The following TAB1 variants were observed in gnomAD, a reference collection of about 807,000 sequenced individuals.
TAB1 encodes TGF-beta activated kinase 1 (MAP3K7) binding protein 1, also known as TGF-beta-activated kinase 1 and MAP3K7-binding protein 1.
In TAB1, 30 loss-of-function variants were observed where a neutral mutation model predicts 54.5. That is an observed-to-expected ratio of 0.55 (90% confidence interval 0.41 to 0.75). The LOEUF is 0.75. Among genes scored for constraint, TAB1 ranks in the 30% least tolerant of loss-of-function variants. The pLI, the probability that TAB1 is intolerant of heterozygous loss-of-function variation, is 0.00. For synonymous variants in TAB1, 289 were observed against 286.9 expected (o/e 1.01, Z -0.07); for missense variants, 609 against 683.2 (o/e 0.89, Z 1.21).
intron 1 of TAB1, among the ~76,000 whole-genome samples, chr22:39,401,389 T>C (rs1456541219): frequency 1.3e-5 from 2 of 152,234 alleles, no homozygotes. Context: ...TTGGCATTGA[T>C]TTTAGACGGC....
chr22:39,416,823 G>A lies in TAB1; in HGVS notation c.357G>A (p.Glu119=), dbSNP rs1328201406. The part of the protein sequence containing the change: ...AFDVVERSFL[E]SIDDALAEKA... ...ATGTGGTGGAGAGGAGCTTCCTGGA[G>A]TCCATTGACGACGCCTTGGCTGAGA... The change falls in exon 4 of 11, where the codon GAG becomes GAA. Residue 119 remains glutamate, a synonymous_variant. Transcript: ENST00000216160. 6.2e-7 allele frequency: 1 copy of A among 1,614,240 alleles called. No homozygotes were observed. Among genetic ancestry groups the A allele is most frequent in the African/African-American group, 1.3e-5 (1 of 75,060 alleles).
intron 8 of TAB1, among the ~76,000 whole-genome samples, chr22:39,423,412 C>T (rs796762571): frequency 1.6e-4 from 25 of 152,336 alleles, no homozygotes; most frequent in African/African-American, 6.0e-4. Flanking sequence ...CGAGACCAGC[C>T]TGGCCAACAT....
In TAB1 at chr22:39,415,171, C is replaced by A; in HGVS notation, c.170+29C>A. The A allele has an allele frequency of 6.5e-7, 1 of 1,545,314 alleles. No homozygotes were observed. Among genetic ancestry groups the A allele is most frequent in the South Asian group, 1.2e-5 (1 of 81,442 alleles). ...TGTGTGCCAGCATTTCTGTGTTGGG[C>A]CCGGGGAGTTGGTTGGTTTGCAAGC... is the stretch of plus-strand genomic sequence containing the variant. On this transcript the variant is annotated intron_variant, in intron 2 of 10. Coordinates refer to ENST00000216160, the MANE Select transcript of TAB1 (RefSeq NM_006116.3). This position sits in a 1 kb window ranked among gnomAD's most constrained non-coding sequence, Gnocchi z 4.9.
chr22:39,434,935 TCCGGGTA>T (rs1927728765), downstream of TAB1, among the ~76,000 whole-genome samples: 1 of 152,174 alleles, frequency 6.6e-6, no homozygotes, highest in Admixed American at 6.5e-5. Context: ...GCCTCCTACC[TCCGGGTA>T]CCTGCTGTGT....
chr22:39,405,159 T>G (rs1297336500), intron 1 of TAB1, among the ~76,000 whole-genome samples: 1 of 152,200 alleles, frequency 6.6e-6, no homozygotes, highest in Non-Finnish European at 1.5e-5. Context: ...CCCAGGACTT[T>G]GAGATGAGTC....
rs2267409 is a variant in TAB1, at chr22:39,420,505, G to A, written c.776+875G>A. On this transcript the variant is annotated intron_variant, in intron 7 of 10. Coordinates refer to ENST00000216160, the MANE Select transcript of TAB1 (RefSeq NM_006116.3). ...GAGTTCCCATCAACAGAGGCCTCAT[G>A]GCCTAGAAAGTGCATGTTAGAACTC... Among the ~76,000 whole-genome samples the A allele has an allele frequency of 6.1e-3, 934 of 152,312 alleles. 13 individuals carry two copies. The highest frequency in any genetic ancestry group is 0.043 in the East Asian group (223 of 5,184).
chr22:39,403,373 G>A (rs1926226717), intron 1 of TAB1, among the ~76,000 whole-genome samples: 1 of 152,206 alleles, frequency 6.6e-6, no homozygotes. Context: ...ATGAAAACGG[G>A]GAAATGGGGG....
At chr22:39,432,859 A>T, downstream of TAB1, 1 of 985,286 alleles carries the variant, frequency 1.0e-6, no homozygotes. Flanking sequence ...TCCTGGAGGG[A>T]AATGAAGGTG....
At chr22:39,432,048 A>G (rs1290579216), downstream of TAB1, among the ~76,000 whole-genome samples, 2 of 151,974 alleles carry the variant, frequency 1.3e-5, no homozygotes, top group African/African-American at 4.8e-5. Flanking sequence ...TGCCGCCCCC[A>G]CAGCCCCGGG....
At chr22:39,435,845 G>GC (rs553040241), downstream of TAB1, among the ~76,000 whole-genome samples, 206 of 152,278 alleles carry the variant, frequency 1.4e-3, no homozygotes, top group African/African-American at 4.6e-3. Context: ...CTTCCAGCCT[G>GC]CCCCAAGACC....
chr22:39,406,437 GAT>G (rs1926368926), intron 1 of TAB1, among the ~76,000 whole-genome samples: 1 of 147,700 alleles, frequency 6.8e-6, no homozygotes, highest in East Asian at 2.0e-4. Flanking sequence ...TTGAGTGAAA[GAT>G]AGTTTCTTGA....
At chr22:39,399,942 T>A in intron 1 of TAB1, 107 bp downstream of exon 1, 3 of 1,224,204 alleles carry the variant, frequency 2.5e-6, no homozygotes, top group Non-Finnish European at 3.5e-6. Context: ...ACCCTCTCCG[T>A]GGTGGGGTGT....
Position 39,404,273 on chromosome 22 carries a change from C to T in TAB1, c.33+4438C>T, listed in dbSNP as rs532598160. On this transcript the variant is annotated intron_variant, in intron 1 of 10. Transcript: ENST00000216160. Reference sequence around the variant, plus strand: ...AATCAAGAGTTTGATTTTGCCTGTACTGTTACTTAATTATAAAAAAGAAAA... The same window carrying T: ...AATCAAGAGTTTGATTTTGCCTGTATTGTTACTTAATTATAAAAAAGAAAA... 5.9e-5 allele frequency among the ~76,000 whole-genome samples: 9 copies of T among 152,244 alleles called. No homozygotes were observed. The East Asian group carries it at 1.4e-3, about 23-fold the overall frequency.
At chr22:39,403,048 G>T (rs539056909) in intron 1 of TAB1, among the ~76,000 whole-genome samples, 1 of 152,358 alleles carries the variant, frequency 6.6e-6, no homozygotes, top group South Asian at 2.1e-4. Flanking sequence ...AGCCTGGCTT[G>T]GTTGCCCGCT....
chr22:39,423,036 G>A (rs1310363459), intron 8 of TAB1, among the ~76,000 whole-genome samples: 1 of 149,980 alleles, frequency 6.7e-6, no homozygotes, highest in Non-Finnish European at 1.5e-5. Flanking sequence ...GCAGTGGCGT[G>A]ATCACGGGTC....
At chr22:39,434,996 T>A (rs1405199447), downstream of TAB1, among the ~76,000 whole-genome samples, 10 of 152,140 alleles carry the variant, frequency 6.6e-5, no homozygotes, top group Non-Finnish European at 1.5e-4. Flanking sequence ...CCTCCAGTCA[T>A]CCCAGTAGCT....
rs1410775210 is a variant in TAB1 at position 39,428,144 on chromosome 22, G to A, written c.1268G>A (p.Ser423Asn). 2 of 1,613,320 alleles carry A rather than the reference G, an allele frequency of 1.2e-6. No homozygotes were observed. Among genetic ancestry groups the A allele is most frequent in the Non-Finnish European group, 8.5e-7 (1 of 1,179,408 alleles). ...GGCCAGATGGTCAACGGGGCTCACA[G>A]TGCTTCCACCCTGGACGAAGCCACC... ...SQGQMVNGAH[S>N]ASTLDEATPT... The change falls in exon 10 of 11, where the codon AGT (serine) becomes AAT (asparagine). Residue 423 changes from serine to asparagine, a missense_variant. Physicochemically the swap from Ser to Asn is conservative, Grantham distance 46. Transcript: ENST00000216160.
Position 39,428,077 on chromosome 22 carries a change from A to G in TAB1, c.1201A>G (p.Ser401Gly). The change falls in exon 10 of 11, where the codon AGC becomes GGC. Residue 401 changes from serine (S) to glycine (G), a missense_variant. Transcript: ENST00000216160. ...SVPYSSAQST[S>G]KTSVTLSLVM... ...GCCATACTCCAGCGCCCAGAGCACCAGCAAGACCAGCGTGACCCTCTCCCT... is the reference window on the plus strand; with the variant it reads ...GCCATACTCCAGCGCCCAGAGCACCGGCAAGACCAGCGTGACCCTCTCCCT... The G allele has an allele frequency of 6.2e-7, 1 of 1,613,834 alleles. No individual in the cohort carries two copies. The highest frequency in any genetic ancestry group is 8.5e-7 in the Non-Finnish European group (1 of 1,179,752).
chr22:39,430,492 G>A lies in TAB1; in HGVS notation c.*270G>A, dbSNP rs1927540567. On this transcript the variant is annotated 3_prime_UTR_variant, in exon 11 of 11. Transcript: ENST00000216160. ...CGCCCTTTCTCAGAGCAGAGGGCCAGGTATAGAAACCGCAGTGGGCCTGCA... is the reference window on the plus strand; with the variant it reads ...CGCCCTTTCTCAGAGCAGAGGGCCAAGTATAGAAACCGCAGTGGGCCTGCA... 2.2e-6 allele frequency: 3 copies of A among 1,351,924 alleles called. No homozygotes were observed. Among genetic ancestry groups the A allele is most frequent in the Non-Finnish European group, 2.9e-6 (3 of 1,046,506 alleles). 83.7% of individuals were successfully genotyped at this position (1,351,924 alleles called of 1,614,324 possible). A position where few individuals can be genotyped will look rare whatever the true frequency, so the allele number is the denominator to read the frequency against.
Sources: allele counts gnomAD v4.1 joint callset (sites outside exome capture counted in the v4.1 genomes callset), GRCh38; gene constraint gnomAD v4.1.1; non-coding constraint Gnocchi (gnomAD v3.1); transcripts MANE v1.5; gene names NCBI Gene and HGNC (gene_info 2026-07-23, HGNC 2026-07-21).